RETREG1: variants seen among roughly 807,000 people sequenced by gnomAD.
The protein encoded by RETREG1 is family with sequence similarity 134 member B.
A neutral mutation model predicts 54.8 loss-of-function variants in RETREG1; 44 were observed. That is an observed-to-expected ratio of 0.80 (90% CI 0.63 to 1.03). The LOEUF is 1.03. RETREG1 is among the 50% of genes least tolerant of loss of function. The pLI is 0.00. For missense variants in RETREG1, 554 were observed against 605.1 expected (o/e 0.92, Z 0.89); for synonymous variants, 217 against 238.5 (o/e 0.91, Z 0.83).
intron 1 of RETREG1, among the ~76,000 whole-genome samples, chr5:16,605,249 T>A (rs186582106): frequency 6.6e-6 from 1 of 152,300 alleles, no homozygotes; most frequent in African/African-American, 2.4e-5. Flanking sequence ...CAGAGAGAAA[T>A]CAGACAACAC....
intron 1 of RETREG1, among the ~76,000 whole-genome samples, chr5:16,613,580 T>C (rs758043889): frequency 1.3e-5 from 2 of 152,224 alleles, no homozygotes; most frequent in Non-Finnish European, 2.9e-5. Flanking sequence ...GTTGAAGCTT[T>C]TGAGTCAAAT....
chr5:16,508,898 C>T (rs1047550927), intron 3 of RETREG1: 1 of 1,271,432 alleles, frequency 7.9e-7, no homozygotes, highest in South Asian at 2.0e-5. Context: ...ACTCCCAGTA[C>T]TGTGACAGGC....
rs1219512821 is a variant in RETREG1, at chr5:16,593,948, G to T, written c.321-21846C>A. ...TGGCCTTCTTTCTAGACACCTGGTA[G>T]TTCCAACAAAAAGCCAAAGATCATC... On this transcript the variant is annotated intron_variant, in intron 1 of 8. Transcript: ENST00000306320. The surrounding 1 kb of genome is among the most constrained non-coding windows in gnomAD (Gnocchi z 4.9). Among the ~76,000 whole-genome samples, 1 of 152,238 alleles carries T rather than the reference G, an allele frequency of 6.6e-6. No homozygotes were observed. The highest frequency in any genetic ancestry group is 1.5e-5 in the Non-Finnish European group (1 of 68,044).
chr5:16,492,231 A>T (rs33689), intron 3 of RETREG1, among the ~76,000 whole-genome samples: 13,938 of 117,698 alleles, frequency 0.12, 743 homozygotes, highest in East Asian at 0.2. Context: ...TCTCTCTCTC[A>T]CACACACACA....
At chr5:16,567,898 T>G (rs1742062309) in intron 2 of RETREG1, among the ~76,000 whole-genome samples, 1 of 152,102 alleles carries the variant, frequency 6.6e-6, no homozygotes. Flanking sequence ...AGCTCGAGGC[T>G]GCAGTGAGCT....
At chr5:16,545,352 G>A (rs568178833) in intron 3 of RETREG1, among the ~76,000 whole-genome samples, 5 of 152,150 alleles carry the variant, frequency 3.3e-5, no homozygotes, top group Non-Finnish European at 5.9e-5. Flanking sequence ...GTAGAATGCT[G>A]AGGTGAAGCC....
chr5:16,576,312 G>C (rs1243075569), intron 1 of RETREG1, among the ~76,000 whole-genome samples: 1 of 53,436 alleles, frequency 1.9e-5, no homozygotes, highest in Admixed American at 1.8e-4. Context: ...TTTTTTTTTT[G>C]AGATGGAGTC....
At chr5:16,608,806 C>T (rs570064769) in intron 1 of RETREG1, among the ~76,000 whole-genome samples, 3 of 152,290 alleles carry the variant, frequency 2.0e-5, no homozygotes, top group African/African-American at 7.2e-5. Flanking sequence ...TAAAAAGATC[C>T]TTCCCATTCA....
At chr5:16,475,384 C>T (rs1738495022) in intron 8 of RETREG1, 150 bp from the exon 9 acceptor site, 1 of 789,060 alleles carries the variant, frequency 1.3e-6, no homozygotes, top group Non-Finnish European at 2.1e-6. Context: ...AATTTAACCA[C>T]ATACTGAACT....
chr5:16,537,423 C>A (rs1313853918), intron 3 of RETREG1, among the ~76,000 whole-genome samples: 1 of 152,168 alleles, frequency 6.6e-6, no homozygotes, highest in Non-Finnish European at 1.5e-5. Context: ...AAAGCCAGGG[C>A]ACTGGGAGTG....
At chr5:16,521,919 T>C (rs1405419038) in intron 3 of RETREG1, among the ~76,000 whole-genome samples, 1 of 152,196 alleles carries the variant, frequency 6.6e-6, no homozygotes, top group Non-Finnish European at 1.5e-5. Flanking sequence ...ATTATTTCCA[T>C]ATTCGCTTTG....
In RETREG1 at chr5:16,533,069, C is replaced by T. The variant is rs150934901; in HGVS notation, c.458+32694G>A. Among the ~76,000 whole-genome samples the T allele has an allele frequency of 5.3e-3, 795 of 150,562 alleles. 9 individuals are homozygous for T. Among genetic ancestry groups the T allele is most frequent in the African/African-American group, 0.018 (745 of 40,986 alleles). On this transcript the variant is annotated intron_variant, in intron 3 of 8. Coordinates refer to ENST00000306320, the MANE Select transcript of RETREG1 (RefSeq NM_001034850.3). ...ATATGAACTTTTTTTTTTTTTGAGACGGAGTCTCTCTCTCGCCCAGGCTGG... is the reference window on the plus strand; with the variant it reads ...ATATGAACTTTTTTTTTTTTTGAGATGGAGTCTCTCTCTCGCCCAGGCTGG...
chr5:16,490,175 G>A (rs766006330), intron 3 of RETREG1, among the ~76,000 whole-genome samples: 3 of 152,038 alleles, frequency 2.0e-5, no homozygotes, highest in Non-Finnish European at 2.9e-5. Context: ...GGTCCTGTTG[G>A]GCCCAAAAGG....
chr5:16,514,964 A>T (rs975974811), intron 3 of RETREG1, among the ~76,000 whole-genome samples: 9 of 147,822 alleles, frequency 6.1e-5, no homozygotes, highest in Non-Finnish European at 3.0e-5. Context: ...GTGTATATAT[A>T]TTATATATAT....
chr5:16,522,239 T>A (rs1397003785), intron 3 of RETREG1, among the ~76,000 whole-genome samples: 1 of 151,986 alleles, frequency 6.6e-6, no homozygotes, highest in Admixed American at 6.6e-5. Context: ...AGGCCTTGAT[T>A]TATGAGATCT....
chr5:16,541,928 A>G (rs1209649885), intron 3 of RETREG1, among the ~76,000 whole-genome samples: 1 of 152,212 alleles, frequency 6.6e-6, no homozygotes, highest in Non-Finnish European at 1.5e-5. Context: ...AAGAGAAATT[A>G]CACAGGAGGC....
intron 3 of RETREG1, among the ~76,000 whole-genome samples, chr5:16,532,255 G>A (rs1337048820): frequency 1.3e-5 from 2 of 152,214 alleles, no homozygotes; most frequent in Non-Finnish European, 2.9e-5. Flanking sequence ...GGCTGGGCGT[G>A]GTGGCTCATG....
chr5:16,613,053 A>C (rs1475749754), intron 1 of RETREG1, among the ~76,000 whole-genome samples: 1 of 152,152 alleles, frequency 6.6e-6, no homozygotes, highest in Non-Finnish European at 1.5e-5. Context: ...AATGAACCAC[A>C]GTGTACTTAT....
At chr5:16,532,519 A>G (rs1288666737) in intron 3 of RETREG1, among the ~76,000 whole-genome samples, 1 of 152,202 alleles carries the variant, frequency 6.6e-6, no homozygotes, top group African/African-American at 2.4e-5. Context: ...TTAGCTCTCC[A>G]TGCAGACAAT....
Sources: gnomAD v4.1 joint callset for allele counts (sites outside exome capture counted in the v4.1 genomes callset) on GRCh38, gnomAD v4.1.1 for gene constraint, Gnocchi (gnomAD v3.1) non-coding constraint, MANE v1.5 for transcripts, NCBI Gene and HGNC (gene_info 2026-07-23, HGNC 2026-07-21) for gene names.